Variants in DCDC1 observed in about 807,000 individuals in gnomAD.
DCDC1 encodes doublecortin domain containing 1, also known as doublecortin domain-containing protein 1.
Under a neutral mutation model 178.3 loss-of-function variants are expected in DCDC1, and 200 were observed. The ratio of observed to expected loss-of-function variants is 1.12; its 90% CI spans 1.00 to 1.26. DCDC1 has a LOEUF of 1.26. DCDC1 is among the 50% of genes most tolerant of loss of function. The probability of loss-of-function intolerance (pLI) is 0.00; values close to 1 mark genes in which losing one functional copy is unlikely to be tolerated. For synonymous variants in DCDC1, 690 were observed against 604.8 expected (o/e 1.14, Z -2.07); for missense variants, 1,983 against 1,749.2 (o/e 1.13, Z -2.38).
intron 20 of DCDC1, among the ~76,000 whole-genome samples, chr11:31,021,697 T>G (rs988252370): frequency 6.6e-6 from 1 of 152,234 alleles, no homozygotes; most frequent in East Asian, 1.9e-4. Flanking sequence ...TTTTGAACCA[T>G]GTAAATAAAC....
intron 20 of DCDC1, among the ~76,000 whole-genome samples, chr11:31,026,813 T>C (rs1367858161): frequency 6.6e-6 from 1 of 151,796 alleles, no homozygotes; most frequent in African/African-American, 2.4e-5. Context: ...GCCTTTTTGA[T>C]GGAAAAAATA....
At chr11:30,873,606 G>A (rs1206999256) in intron 38 of DCDC1, among the ~76,000 whole-genome samples, 6 of 152,084 alleles carry the variant, frequency 3.9e-5, no homozygotes, top group Admixed American at 1.3e-4. Context: ...ACTCTTGGGT[G>A]AGCCTGCCAG....
At chr11:30,937,448 G>T (rs757323113) in intron 21 of DCDC1, among the ~76,000 whole-genome samples, 12 of 152,146 alleles carry the variant, frequency 7.9e-5, no homozygotes, top group Non-Finnish European at 1.5e-4. Flanking sequence ...TTCCATCCAG[G>T]ACATTCTCTC....
chr11:31,271,990 C>T (rs1339436060), intron 7 of DCDC1, among the ~76,000 whole-genome samples: 2 of 152,012 alleles, frequency 1.3e-5, no homozygotes, highest in African/African-American at 4.8e-5. Flanking sequence ...GTTGATTCCC[C>T]ATCTCTACTA....
intron 1 of DCDC1, among the ~76,000 whole-genome samples, chr11:31,339,586 G>T (rs1165035246): frequency 1.3e-5 from 2 of 152,056 alleles, no homozygotes; most frequent in African/African-American, 4.8e-5. Context: ...AATTTTATGA[G>T]AGCTGAGACT....
At chr11:31,143,327 G>T (rs1964067870) in intron 9 of DCDC1, among the ~76,000 whole-genome samples, 1 of 152,032 alleles carries the variant, frequency 6.6e-6, no homozygotes, top group Admixed American at 6.6e-5. Context: ...TTAATTACAT[G>T]ATGAAACTAG....
chr11:30,949,469 C>A (rs193123912), intron 21 of DCDC1, among the ~76,000 whole-genome samples: 2 of 152,196 alleles, frequency 1.3e-5, no homozygotes, highest in Admixed American at 1.3e-4. Flanking sequence ...GATCTAGAAC[C>A]AGAAATGCCA....
At chr11:31,298,535 C>G (rs1367817595) in intron 6 of DCDC1, among the ~76,000 whole-genome samples, 3 of 152,174 alleles carry the variant, frequency 2.0e-5, no homozygotes, top group African/African-American at 7.2e-5. Context: ...CCTGACTGTT[C>G]ATATACTCTC....
chr11:31,196,375 T>TC (rs1970695869), intron 9 of DCDC1, among the ~76,000 whole-genome samples: 3 of 151,726 alleles, frequency 2.0e-5, no homozygotes, highest in Non-Finnish European at 2.9e-5. Flanking sequence ...ACCCCACAGG[T>TC]TAAGGGTTTA....
At chr11:31,351,038 C>T (rs1951047314) in intron 1 of DCDC1, among the ~76,000 whole-genome samples, 1 of 151,760 alleles carries the variant, frequency 6.6e-6, no homozygotes, top group African/African-American at 2.4e-5. Flanking sequence ...AAACAGGAGA[C>T]ATCAAAAAAC....
chr11:31,167,197 T>C (rs1406319551), intron 9 of DCDC1, among the ~76,000 whole-genome samples: 2 of 152,122 alleles, frequency 1.3e-5, no homozygotes, highest in South Asian at 2.1e-4. Context: ...CTAAGAAAAA[T>C]TGTTGGATGT....
intron 9 of DCDC1, among the ~76,000 whole-genome samples, chr11:31,218,282 G>C (rs1973829132): frequency 6.6e-6 from 1 of 151,958 alleles, no homozygotes; most frequent in South Asian, 2.1e-4. Context: ...ATACACATTG[G>C]TATAAAATAC....
intron 17 of DCDC1, among the ~76,000 whole-genome samples, chr11:31,079,788 T>G (rs540947981): frequency 2.6e-5 from 4 of 152,174 alleles, no homozygotes; most frequent in Admixed American, 1.3e-4. Flanking sequence ...ATTTGATGAT[T>G]GAATAAATGA....
intron 34 of DCDC1, among the ~76,000 whole-genome samples, chr11:30,896,940 A>G (rs485171): frequency 0.53 from 80,048 of 152,006 alleles, 21,537 homozygotes; most frequent in Middle Eastern, 0.63. Flanking sequence ...GCAATTACCA[A>G]TGGCTATAAT....
At chr11:31,033,135 A>G (rs999756967) in intron 20 of DCDC1, among the ~76,000 whole-genome samples, 4 of 152,202 alleles carry the variant, frequency 2.6e-5, no homozygotes, top group African/African-American at 9.6e-5. Flanking sequence ...ACAAGATTGT[A>G]TGTTGTCTGA....
intron 8 of DCDC1, among the ~76,000 whole-genome samples, chr11:31,250,496 C>A (rs747542630): frequency 6.9e-6 from 1 of 144,648 alleles, no homozygotes; most frequent in Non-Finnish European, 1.5e-5. Flanking sequence ...TTTGAGTCAC[C>A]CCCAACCCCC....
intron 1 of DCDC1, among the ~76,000 whole-genome samples, chr11:31,362,190 G>C (rs977537119): frequency 2.0e-5 from 3 of 151,898 alleles, no homozygotes; most frequent in African/African-American, 7.3e-5. Flanking sequence ...ATAGATACAG[G>C]TACACTGTAC....
At chr11:30,993,463 G>C (rs1951093263) in intron 20 of DCDC1, among the ~76,000 whole-genome samples, 1 of 151,836 alleles carries the variant, frequency 6.6e-6, no homozygotes, top group Non-Finnish European at 1.5e-5. Flanking sequence ...CAAAAAGAAA[G>C]AAATAATAAA....
At chr11:30,912,117 A>G (rs1945487052) in intron 27 of DCDC1, among the ~76,000 whole-genome samples, 1 of 152,140 alleles carries the variant, frequency 6.6e-6, no homozygotes, top group African/African-American at 2.4e-5. Context: ...TCTGTGCTGT[A>G]TGATGCCCTG....
Sources: gnomAD v4.1 joint callset for allele counts (sites outside exome capture counted in the v4.1 genomes callset) on GRCh38, gnomAD v4.1.1 for gene constraint, MANE v1.5 for transcripts, NCBI Gene and HGNC (gene_info 2026-07-23, HGNC 2026-07-21) for gene names.